The following IYD variants were observed in gnomAD, a reference collection of about 807,000 sequenced individuals.
IYD encodes iodotyrosine deiodinase 1.
Under a neutral mutation model 28.4 loss-of-function variants are expected in IYD, and 25 were observed. The ratio of observed to expected loss-of-function variants is 0.88; its 90% CI spans 0.64 to 1.23. The LOEUF is 1.23. IYD is among the 50% of genes most tolerant of loss of function. IYD has a pLI of 0.00. For missense variants in IYD, 352 were observed against 357.9 expected, an observed-to-expected ratio of 0.98 and a Z score of 0.13; for synonymous variants, 140 against 130.8, an observed-to-expected ratio of 1.07 and a Z score of -0.48.
chr6:150,395,848 T>G, intron 4 of IYD: 1 of 593,614 alleles, frequency 1.7e-6, no homozygotes, highest in South Asian at 2.1e-5. Context: ...ACTCATTGCT[T>G]TTACTTAGAT....
Position 150,400,654 on chromosome 6 carries a change from C to G in IYD, c.*2417C>G, listed in dbSNP as rs539254531. 1.3e-5 allele frequency: 2 copies of G among 152,334 alleles called. No individual in the cohort carries two copies. Among genetic ancestry groups the G allele is most frequent in the Admixed American group, 1.3e-4 (2 of 15,298 alleles). The allele number at this position is 152,334 out of a possible 1,614,324, so 9.4% of individuals were successfully genotyped here. A position where few individuals can be genotyped will look rare whatever the true frequency, so the allele number is the denominator to read the frequency against. ...GTGGGAAGAATAAGAGGGGGACTGT[C>G]TTGTCCTTGCTACTCAAAGAGTGGT... On this transcript the variant is annotated 3_prime_UTR_variant, in exon 5 of 5. Coordinates refer to ENST00000344419, the MANE Select transcript of IYD (RefSeq NM_203395.3).
chr6:150,371,136 G>GTAA (rs1777224471), intron 1 of IYD, among the ~76,000 whole-genome samples: 1 of 152,228 alleles, frequency 6.6e-6, no homozygotes, highest in Non-Finnish European at 1.5e-5. Flanking sequence ...GGGAGGAGCT[G>GTAA]TGGGAAAGGG....
rs147477453 is a variant in IYD, at chr6:150,389,835, T to C, written c.370+292T>C. 2.0e-3 allele frequency among the ~76,000 whole-genome samples: 306 copies of C among 152,296 alleles called. 2 individuals carry two copies. Among genetic ancestry groups the C allele is most frequent in the African/African-American group, 6.8e-3 (283 of 41,576 alleles). On this transcript the variant is annotated intron_variant, in intron 2 of 4. Coordinates refer to ENST00000344419, the MANE Select transcript of IYD (RefSeq NM_203395.3). Reference sequence around the variant, plus strand: ...ACCAAGATTTCTGATCACATCATTATATTAATATATTGGAGGAGATACACC... The same window carrying C: ...ACCAAGATTTCTGATCACATCATTACATTAATATATTGGAGGAGATACACC...
At chr6:150,378,211 G>T in intron 1 of IYD, among the ~76,000 whole-genome samples, 1 of 150,812 alleles carries the variant, frequency 6.6e-6, no homozygotes, top group African/African-American at 2.5e-5. Context: ...TAAGTTTTAG[G>T]GTACATGTGC....
chr6:150,401,954 G>T lies in IYD; in HGVS notation c.*3717G>T, dbSNP rs1778522148. 1 of 152,244 alleles carries T rather than the reference G, an allele frequency of 6.6e-6. No individual in the cohort carries two copies. The highest frequency in any genetic ancestry group is 2.1e-4 in the South Asian group (1 of 4,832). 9.4% of individuals were successfully genotyped at this position (152,244 alleles called of 1,614,324 possible). Reference sequence around the variant, plus strand: ...TCATCTGGTGGTCTGTTAAAGCACAGATTGCTGGGCCGCACCCTCAGGGTG... The same window carrying T: ...TCATCTGGTGGTCTGTTAAAGCACATATTGCTGGGCCGCACCCTCAGGGTG... On this transcript the variant is annotated 3_prime_UTR_variant, in exon 5 of 5. Transcript: ENST00000344419.
chr6:150,379,714 C>T (rs557784809), intron 1 of IYD, among the ~76,000 whole-genome samples: 1 of 152,132 alleles, frequency 6.6e-6, no homozygotes, highest in East Asian at 1.9e-4. Flanking sequence ...AATTAAACAC[C>T]ACACCTAGAG....
intron 1 of IYD, among the ~76,000 whole-genome samples, chr6:150,371,579 A>T (rs898863690): frequency 1.3e-5 from 2 of 152,232 alleles, no homozygotes; most frequent in African/African-American, 4.8e-5. Context: ...AACATAGAGC[A>T]GAACTGGAGG....
chr6:150,396,167 A>G, intron 4 of IYD: 1 of 273,646 alleles, frequency 3.7e-6, no homozygotes, highest in Non-Finnish European at 6.8e-6. Context: ...TTGGTGATAA[A>G]GTCATAGATA....
intron 1 of IYD, among the ~76,000 whole-genome samples, chr6:150,381,506 T>A (rs747922548): frequency 1.3e-5 from 2 of 152,204 alleles, no homozygotes; most frequent in Non-Finnish European, 2.9e-5. Flanking sequence ...AAAACACAGA[T>A]GAACAGCTTA....
At position 150,370,727 on chromosome 6, in the gene IYD, G is replaced by A; in HGVS notation, c.178+1518G>A. 5 of 914,506 alleles carry A rather than the reference G, an allele frequency of 5.5e-6. 1 individual carries two copies. The highest frequency in any genetic ancestry group is 1.3e-6 in the Non-Finnish European group (1 of 765,340). The allele number at this position is 914,506 out of a possible 1,614,324, so 56.6% of individuals were successfully genotyped here. ...GGGGGCAGGTGGGAATGCAGTGGAA[G>A]GCGTGGATCAGAGTAAAGTTAATGG... On this transcript the variant is annotated intron_variant, in intron 1 of 4. Transcript: ENST00000344419.
At chr6:150,383,302 G>T (rs893550111) in intron 1 of IYD, among the ~76,000 whole-genome samples, 6 of 152,022 alleles carry the variant, frequency 3.9e-5, no homozygotes, top group Non-Finnish European at 8.8e-5. Context: ...AGTCTCCATG[G>T]GTAGACCTGG....
rs979092842 is a variant in IYD at position 150,402,384 on chromosome 6, A to T, written c.*4147A>T. 2.0e-5 allele frequency: 3 copies of T among 152,226 alleles called. No homozygotes were observed. Among genetic ancestry groups the T allele is most frequent in the African/African-American group, 7.2e-5 (3 of 41,464 alleles). 9.4% of individuals were successfully genotyped at this position (152,226 alleles called of 1,614,324 possible). A position where few individuals can be genotyped will look rare whatever the true frequency, so the allele number is the denominator to read the frequency against. ...AGAACTAGTCATGTGACCTCACAGG[A>T]GGTGGAGCAGTGTCGTCAATGTTAT... On this transcript the variant is annotated 3_prime_UTR_variant, in exon 5 of 5. Transcript: ENST00000344419.
chr6:150,373,999 G>T (rs1047367032), intron 1 of IYD, among the ~76,000 whole-genome samples: 1 of 152,222 alleles, frequency 6.6e-6, no homozygotes, highest in Non-Finnish European at 1.5e-5. Context: ...TTGAGATCAA[G>T]TCTGGGTGGG....
chr6:150,396,840 C>T (rs12201055), intron 4 of IYD: 7,668 of 158,880 alleles, frequency 0.048, 243 homozygotes, highest in Non-Finnish European at 0.071. Context: ...CGCCACTGCA[C>T]TCCAGCCTGG....
At chr6:150,381,217 A>G (rs2115030391) in intron 1 of IYD, among the ~76,000 whole-genome samples, 1 of 152,342 alleles carries the variant, frequency 6.6e-6, no homozygotes, top group Admixed American at 6.5e-5. Flanking sequence ...ATTTAAAAAT[A>G]TTGGTTTTGC....
In IYD at chr6:150,387,636, T is replaced by A. The variant is rs185323014; in HGVS notation, c.179-1716T>A. Among the ~76,000 whole-genome samples, 205 of 152,142 alleles carry A rather than the reference T, an allele frequency of 1.3e-3. 1 individual carries two copies. Among genetic ancestry groups the A allele is most frequent in the Admixed American group, 2.8e-3 (43 of 15,288 alleles). On this transcript the variant is annotated intron_variant, in intron 1 of 4. Coordinates refer to ENST00000344419, the MANE Select transcript of IYD (RefSeq NM_203395.3). ...CTTGCCCTTTCCTCTATATTTTCTA[T>A]CTTTTTGTCTCTCCTTGCCCAATTC...
chr6:150,380,914 C>A (rs1777623298), intron 1 of IYD, among the ~76,000 whole-genome samples: 1 of 152,152 alleles, frequency 6.6e-6, no homozygotes. Context: ...ATGCTCAGCT[C>A]CTCTCCCCCA....
chr6:150,387,448 A>G (rs62432509), intron 1 of IYD, among the ~76,000 whole-genome samples: 1 of 142,542 alleles, frequency 7.0e-6, no homozygotes, highest in Non-Finnish European at 1.6e-5. Flanking sequence ...AAAAAAAAAA[A>G]GAATTTACCA....
chr6:150,389,597 C>A (rs1162845604), intron 2 of IYD, 54 bp downstream of exon 2: 2 of 1,429,622 alleles, frequency 1.4e-6, no homozygotes, highest in South Asian at 1.2e-5. Flanking sequence ...ACTGGTGTGA[C>A]TCCAACAATG....
Sources: allele counts gnomAD v4.1 joint callset (sites outside exome capture counted in the v4.1 genomes callset), GRCh38; gene constraint gnomAD v4.1.1; transcripts MANE v1.5; gene names NCBI Gene and HGNC (gene_info 2026-07-23, HGNC 2026-07-21).